The following LEUTX variants were observed in gnomAD, a reference collection of about 807,000 sequenced individuals.
LEUTX encodes the protein paired-like homeodomain transcription factor LEUTX.
LEUTX carries 5 observed loss-of-function variants against 4.5 expected under a neutral mutation model. The ratio of observed to expected loss-of-function variants is 1.11; its 90% CI spans 0.58 to 2.34. The LOEUF (loss-of-function observed/expected upper bound fraction) is 2.34. LEUTX is among the 30% of genes most tolerant of loss of function. The pLI is 0.01. For missense variants in LEUTX, 233 were observed against 239.4 expected, an observed-to-expected ratio of 0.97 and a Z score of 0.18; for synonymous variants, 89 against 85.1, an observed-to-expected ratio of 1.05 and a Z score of -0.25.
intron 2 of LEUTX, among the ~76,000 whole-genome samples, chr19:39,784,982 G>A (rs768171243): frequency 6.6e-6 from 1 of 152,008 alleles, no homozygotes; most frequent in Non-Finnish European, 1.5e-5. Context: ...CTCCCATTTG[G>A]GTCTGTTCTT....
At chr19:39,781,405 A>G (rs1259709423) in intron 1 of LEUTX, among the ~76,000 whole-genome samples, 1 of 152,248 alleles carries the variant, frequency 6.6e-6, no homozygotes, top group East Asian at 1.9e-4. Context: ...AAACCATAGT[A>G]AAAACTCCCA....
At chr19:39,782,590 A>G (rs73930642) in intron 1 of LEUTX, among the ~76,000 whole-genome samples, 1,575 of 152,246 alleles carry the variant, frequency 0.01, 30 homozygotes, top group African/African-American at 0.035. Flanking sequence ...CCAAGTTGCT[A>G]GGAAAACATA....
chr19:39,782,126 C>A (rs147068042), intron 1 of LEUTX, among the ~76,000 whole-genome samples: 1 of 152,094 alleles, frequency 6.6e-6, no homozygotes. Flanking sequence ...AGTCTATGAC[C>A]GGTTAGGATA....
intron 1 of LEUTX, among the ~76,000 whole-genome samples, chr19:39,783,177 A>G (rs1967912490): frequency 1.3e-5 from 2 of 150,764 alleles, no homozygotes; most frequent in Non-Finnish European, 2.9e-5. Context: ...AATGGTCTCC[A>G]ATCTAATCCA....
chr19:39,784,077 G>T (rs977249923), intron 1 of LEUTX, among the ~76,000 whole-genome samples: 1 of 151,768 alleles, frequency 6.6e-6, no homozygotes, highest in African/African-American at 2.4e-5. Flanking sequence ...TAGGTCTAGT[G>T]GATAAAAGGG....
chr19:39,782,651 G>A (rs1263873458), intron 1 of LEUTX, among the ~76,000 whole-genome samples: 2 of 152,166 alleles, frequency 1.3e-5, no homozygotes, highest in African/African-American at 4.8e-5. Context: ...AGGGGCTGTA[G>A]GATGAGGCCA....
chr19:39,784,566 T>C lies in LEUTX; in HGVS notation c.47T>C (p.Leu16Pro). 1 of 1,416,762 alleles carries C rather than the reference T, an allele frequency of 7.1e-7. No homozygotes were observed. The allele number at this position is 1,416,762 out of a possible 1,614,324, so 87.8% of individuals were successfully genotyped here. The change falls in exon 2 of 3, where the codon CTC becomes CCC. Residue 16 changes from leucine (L) to proline (P), a missense_variant. Physicochemically the swap from Leu to Pro is moderately conservative, Grantham distance 98. Transcript: ENST00000638280. The part of the protein sequence containing the change: ...RRYRRPRTRF[L>P]SKQLTALREL... ...TATCGTCGGCCACGCACAAGATTTC[T>C]CTCCAAACAACTCACAGCATTGAGA...
At chr19:39,777,238 A>T (rs1398382434), upstream of LEUTX, among the ~76,000 whole-genome samples, 5 of 152,202 alleles carry the variant, frequency 3.3e-5, no homozygotes, top group Non-Finnish European at 1.5e-5. Flanking sequence ...TGTTGGTGGC[A>T]TTCATAACAC....
chr19:39,785,757 AC>A lies in LEUTX; in HGVS notation c.220del (p.Arg74GlyfsTer4). ...GGCAGCAGCGGCAGCAAATGCAGAC[AC>A]GGCCATCACTAGGGCCAGCAAACCA... ...KRQQRQQMQT[R>X]PSLGPANQTT... On this transcript the variant is annotated frameshift_variant, in exon 3 of 3. Coordinates refer to ENST00000638280, the MANE Select transcript of LEUTX (RefSeq NM_001382345.1). LOFTEE classifies it low-confidence loss of function (END_TRUNC). The A allele has an allele frequency of 2.6e-6, 4 of 1,551,804 alleles. No individual in the cohort carries two copies. The highest frequency in any genetic ancestry group is 3.5e-6 in the Non-Finnish European group (4 of 1,147,020).
chr19:39,783,366 C>T (rs144872345), intron 1 of LEUTX, among the ~76,000 whole-genome samples: 2,357 of 21,574 alleles, frequency 0.11, 53 homozygotes, highest in African/African-American at 0.21. Context: ...TATATATATA[C>T]ACACACACAC....
intron 2 of LEUTX, 36 bp from the exon 3 acceptor site, chr19:39,785,662 C>G: frequency 1.3e-6 from 2 of 1,502,192 alleles, no homozygotes; most frequent in South Asian, 2.5e-5. Flanking sequence ...TTATACTCAA[C>G]ATCCATTATT....
At position 39,784,682 on chromosome 19, in the gene LEUTX, T is replaced by C; in HGVS notation, c.159+4T>C. ...ACTTGATCTATCCGTAGTAAAGGTC[T>C]GTTCCCAAGTGTGTCTGTAGGTAGC... On this transcript the variant is annotated splice_donor_region_variant and intron_variant, in intron 2 of 2. Transcript: ENST00000638280. The C allele has an allele frequency of 6.4e-7, 1 of 1,550,574 alleles. No individual in the cohort carries two copies. The highest frequency in any genetic ancestry group is 8.7e-7 in the Non-Finnish European group (1 of 1,145,962).
In LEUTX at chr19:39,785,906, A is replaced by G; in HGVS notation, c.368A>G (p.Asn123Ser). ...HDLREPSGIKNPGGASASARV... is the reference protein window; with the variant it reads ...HDLREPSGIKSPGGASASARV... ...CTACGTGAGCCTTCTGGTATCAAGA[A>G]TCCTGGAGGAGCCAGCGCCTCTGCG... The change falls in exon 3 of 3, where the codon AAT becomes AGT. Residue 123 changes from asparagine to serine, a missense_variant. Coordinates refer to ENST00000638280, the MANE Select transcript of LEUTX (RefSeq NM_001382345.1). 1 of 1,551,786 alleles carries G rather than the reference A, an allele frequency of 6.4e-7. No individual in the cohort carries two copies. Among genetic ancestry groups the G allele is most frequent in the Non-Finnish European group, 8.7e-7 (1 of 1,147,014 alleles).
intron 1 of LEUTX, among the ~76,000 whole-genome samples, chr19:39,781,959 T>C (rs572866503): frequency 1.3e-5 from 2 of 152,314 alleles, no homozygotes; most frequent in South Asian, 4.1e-4. Flanking sequence ...AGTGTACTGA[T>C]GCTGCCAAAG....
chr19:39,782,209 A>G (rs756375226), intron 1 of LEUTX, among the ~76,000 whole-genome samples: 2 of 152,152 alleles, frequency 1.3e-5, no homozygotes, highest in Non-Finnish European at 1.5e-5. Flanking sequence ...CCACTATTCT[A>G]TTCTATCTCA....
At chr19:39,779,289 T>A (rs1043424584) in intron 1 of LEUTX, among the ~76,000 whole-genome samples, 3 of 152,184 alleles carry the variant, frequency 2.0e-5, no homozygotes, top group Non-Finnish European at 4.4e-5. Context: ...GATCTCACTC[T>A]GTTGCCTAAG....
At chr19:39,779,192 T>C (rs1397597500) in intron 1 of LEUTX, among the ~76,000 whole-genome samples, 1 of 152,122 alleles carries the variant, frequency 6.6e-6, no homozygotes, top group Non-Finnish European at 1.5e-5. Context: ...GCCCTAGTGA[T>C]CCTCCCACCT....
chr19:39,778,238 G>A (rs73546612), upstream of LEUTX, among the ~76,000 whole-genome samples: 2,689 of 152,286 alleles, frequency 0.018, 80 homozygotes, highest in African/African-American at 0.059. Flanking sequence ...TTCTTTTAAT[G>A]CAATTTATAT....
upstream of LEUTX, among the ~76,000 whole-genome samples, chr19:39,776,873 A>G (rs1967803568): frequency 6.6e-6 from 1 of 152,088 alleles, no homozygotes; most frequent in African/African-American, 2.4e-5. Context: ...ACCCCATCTC[A>G]AAAAAAGAAA....
Sources: allele counts gnomAD v4.1 joint callset (sites outside exome capture counted in the v4.1 genomes callset), GRCh38; gene constraint gnomAD v4.1.1; transcripts MANE v1.5; gene names NCBI Gene and HGNC (gene_info 2026-07-23, HGNC 2026-07-21).